Variants in CFH observed in about 807,000 individuals in gnomAD.
CFH encodes complement factor H.
CFH carries 53 observed loss-of-function variants against 147.3 expected under a neutral mutation model. The ratio of observed to expected loss-of-function variants is 0.36; its 90% confidence interval spans 0.29 to 0.45. The LOEUF is 0.45. Among genes scored for constraint, CFH ranks in the 20% least tolerant of loss-of-function variants. The pLI is 1.00. For synonymous variants in CFH, 536 were observed against 489.4 expected (o/e 1.10, Z -1.26); for missense variants, 1,380 against 1,498.0 (o/e 0.92, Z 1.30).
chr1:196,714,603 G>A (rs1163139174), intron 10 of CFH, among the ~76,000 whole-genome samples: 2 of 135,170 alleles, frequency 1.5e-5, no homozygotes, highest in Non-Finnish European at 3.1e-5. Context: ...TAATATGTGT[G>A]TGTGTGTGTG....
intron 9 of CFH, among the ~76,000 whole-genome samples, chr1:196,692,795 TTTCTTTCTTTCTTTCTTTCTTTCTTTC>T (rs879760087): frequency 0.056 from 6,216 of 110,160 alleles, 499 homozygotes; most frequent in Non-Finnish European, 0.077. Flanking sequence ...TCTTTCTTTC[TTTCTTTCTTTCTTTCTTTCTTTCTTTC>T]TCTTTCCTTC....
Position 196,670,859 on chromosome 1 carries a change from T to C in CFH, c.59-2119T>C, listed in dbSNP as rs572472120. The stretch of plus-strand genomic sequence containing the variant: ...TTTCTTTCATCAATTTTGGAAACCT[T>C]TGAGCTATTGTTTCTTCAAATATTG... On this transcript the variant is annotated intron_variant, in intron 1 of 21. Transcript: ENST00000367429. 3.9e-5 allele frequency among the ~76,000 whole-genome samples: 6 copies of C among 152,316 alleles called. No homozygotes were observed. The East Asian group carries it at 9.7e-4, about 25-fold the overall frequency.
chr1:196,698,305 A>T (rs997374831), intron 9 of CFH, among the ~76,000 whole-genome samples: 5 of 152,150 alleles, frequency 3.3e-5, no homozygotes, highest in Admixed American at 2.6e-4. Context: ...TTTAGAAAAG[A>T]TTAACAAAGT....
Position 196,725,144 on chromosome 1 carries a change from A to G in CFH, c.1720A>G (p.Ile574Val), listed in dbSNP as rs780225658. Reference sequence around the variant, plus strand: ...AGAAAGAGAATGCGAACTTCCTAAAATAGATGTACACTTAGTTCCTGATCG... The same window carrying G: ...AGAAAGAGAATGCGAACTTCCTAAAGTAGATGTACACTTAGTTCCTGATCG... Reference protein sequence around the residue: ...CYERECELPKIDVHLVPDRKK... With the variant: ...CYERECELPKVDVHLVPDRKK... Residue 574 changes from isoleucine (I) to valine (V), a missense_variant, in exon 12 of 22, where the codon ATA (isoleucine) becomes GTA (valine). Ile to Val is a conservative substitution (Grantham distance 29). Coordinates refer to ENST00000367429, the MANE Select transcript of CFH (RefSeq NM_000186.4). The G allele has an allele frequency of 1.2e-6, 2 of 1,613,628 alleles. No individual in the cohort carries two copies. The highest frequency in any genetic ancestry group is 2.2e-5 in the South Asian group (2 of 91,054).
At chr1:196,657,808 A>T (rs1043739145) in intron 1 of CFH, among the ~76,000 whole-genome samples, 1 of 151,620 alleles carries the variant, frequency 6.6e-6, no homozygotes, top group Non-Finnish European at 1.5e-5. Context: ...TTTATGCACA[A>T]AATAATTTTA....
In CFH at chr1:196,710,053, C is replaced by CAT. The variant is rs527666412; in HGVS notation, c.1337-3681_1337-3680insTA. On this transcript the variant is annotated intron_variant, in intron 9 of 21. Coordinates refer to ENST00000367429, the MANE Select transcript of CFH (RefSeq NM_000186.4). ...ACACACACAAACATACACACACAGA[C>CAT]ACACAGACACACACATCAGCTGGTC... is the stretch of plus-strand genomic sequence containing the variant. Among the ~76,000 whole-genome samples, 68 of 83,748 alleles carry CAT rather than the reference C, an allele frequency of 8.1e-4. 1 individual carries two copies. Among genetic ancestry groups the CAT allele is most frequent in the African/African-American group, 3.6e-3 (67 of 18,578 alleles). 54.9% of individuals were successfully genotyped at this position (83,748 alleles called of 152,430 possible). A position where few individuals can be genotyped will look rare whatever the true frequency, so the allele number is the denominator to read the frequency against.
At chr1:196,740,398 T>C (rs937208617) in intron 17 of CFH, among the ~76,000 whole-genome samples, 3 of 152,216 alleles carry the variant, frequency 2.0e-5, no homozygotes, top group Admixed American at 2.0e-4. Context: ...TTCTGAAATG[T>C]ATTGCTATTT....
At chr1:196,657,758 G>A (rs1666754462) in intron 1 of CFH, among the ~76,000 whole-genome samples, 1 of 151,998 alleles carries the variant, frequency 6.6e-6, no homozygotes, top group Non-Finnish European at 1.5e-5. Context: ...TACCTACTAA[G>A]TTTAGAAGTA....
At chr1:196,709,586 C>A (rs1186153856) in intron 9 of CFH, among the ~76,000 whole-genome samples, 1 of 152,104 alleles carries the variant, frequency 6.6e-6, no homozygotes. Flanking sequence ...GGGAAAAATT[C>A]AACTATGATT....
chr1:196,741,698 T>A (rs1051056189), intron 18 of CFH, 177 bp from the exon 19 acceptor site: 5 of 602,366 alleles, frequency 8.3e-6, no homozygotes, highest in Non-Finnish European at 1.5e-5. Flanking sequence ...TTTAATAGAT[T>A]TAGAAGAATT....
chr1:196,713,729 T>G lies in CFH; in HGVS notation c.1337-6T>G. On this transcript the variant is annotated splice_region_variant and splice_polypyrimidine_tract_variant and intron_variant, in intron 9 of 21. Coordinates refer to ENST00000367429, the MANE Select transcript of CFH (RefSeq NM_000186.4). ...CTTGTCTTTTTCTTATTCTCTTCCC[T>G]TTTAGAAACATGTTCCAAATCAAGT... is the stretch of plus-strand genomic sequence containing the variant. 6.4e-7 allele frequency: 1 copy of G among 1,551,520 alleles called. No individual in the cohort carries two copies. The highest frequency in any genetic ancestry group is 8.9e-7 in the Non-Finnish European group (1 of 1,125,670).
chr1:196,715,223 C>T lies in CFH; in HGVS notation c.1520-370C>T, dbSNP rs567823049. 4.6e-5 allele frequency among the ~76,000 whole-genome samples: 7 copies of T among 151,846 alleles called. No homozygotes were observed. The South Asian group carries it at 6.2e-4, about 14-fold the overall frequency. ...CTCCTTTTTACATATGTCTCAACTA[C>T]GAATTAGTTTGGACTCTTAATTTAC... On this transcript the variant is annotated intron_variant, in intron 10 of 21. Transcript: ENST00000367429.
intron 9 of CFH, among the ~76,000 whole-genome samples, chr1:196,696,230 C>G (rs981737428): frequency 6.6e-6 from 1 of 151,938 alleles, no homozygotes; most frequent in Non-Finnish European, 1.5e-5. Context: ...CCCCAGCAAA[C>G]GCAAAAGAAC....
chr1:196,739,184 G>A (rs1228994831), intron 17 of CFH, among the ~76,000 whole-genome samples: 1 of 152,146 alleles, frequency 6.6e-6, no homozygotes, highest in Admixed American at 6.5e-5. Context: ...TGGGCTTCTG[G>A]GCCTGTGATG....
At chr1:196,704,833 C>A (rs1368717070) in intron 9 of CFH, among the ~76,000 whole-genome samples, 1 of 152,180 alleles carries the variant, frequency 6.6e-6, no homozygotes, top group African/African-American at 2.4e-5. Context: ...GGCTACTAGG[C>A]AAATTTTCAA....
At chr1:196,681,508 C>T (rs1667656992) in intron 6 of CFH, among the ~76,000 whole-genome samples, 3 of 150,958 alleles carry the variant, frequency 2.0e-5, no homozygotes, top group African/African-American at 7.3e-5. Context: ...CCCTCAAAGA[C>T]TCTACATTTA....
Position 196,740,846 on chromosome 1 carries a change from G to GT in CFH, c.2956+55dup. ...ATGATAAATATTCTTCATTCAAAGT[G>GT]TAAGTGGTACCAATAAGAAAGTAAA... is the stretch of plus-strand genomic sequence containing the variant. On this transcript the variant is annotated intron_variant, in intron 18 of 21. Coordinates refer to ENST00000367429, the MANE Select transcript of CFH (RefSeq NM_000186.4). 3.9e-6 allele frequency: 6 copies of GT among 1,544,420 alleles called. No individual in the cohort carries two copies. In the South Asian group the frequency reaches 6.7e-5, roughly 17 times the overall value.
chr1:196,664,605 C>T (rs1202310460), intron 1 of CFH, among the ~76,000 whole-genome samples: 2 of 152,226 alleles, frequency 1.3e-5, no homozygotes, highest in Admixed American at 6.5e-5. Context: ...TTGGATTTGG[C>T]CCACAGGTTA....
Position 196,673,289 on chromosome 1 carries a change from C to CT in CFH, c.244+136dup, listed in dbSNP as rs967536657. ...AGTCAAATACAAAATAATACATAATCTTTTTTTTTTGTTTTGAGATGGAGT... is the reference window on the plus strand; with the variant it reads ...AGTCAAATACAAAATAATACATAATCTTTTTTTTTTTGTTTTGAGATGGAGT... On this transcript the variant is annotated intron_variant, in intron 2 of 21. Coordinates refer to ENST00000367429, the MANE Select transcript of CFH (RefSeq NM_000186.4). The CT allele has an allele frequency of 7.6e-3, 6,317 of 835,864 alleles. 1 individual carries two copies. The highest frequency in any genetic ancestry group is 9.0e-3 in the Non-Finnish European group (4,963 of 553,288). The allele number at this position is 835,864 out of a possible 1,614,324, so 51.8% of individuals were successfully genotyped here.
Sources: allele counts gnomAD v4.1 joint callset (sites outside exome capture counted in the v4.1 genomes callset), GRCh38; gene constraint gnomAD v4.1.1; transcripts MANE v1.5; gene names NCBI Gene and HGNC (gene_info 2026-07-23, HGNC 2026-07-21).